DGKB: variants seen among roughly 807,000 people sequenced by gnomAD.
The protein encoded by DGKB is 90 kDa diacylglycerol kinase.
A neutral mutation model predicts 114.3 loss-of-function variants in DGKB; 67 were observed. The observed-to-expected ratio is 0.59, with a 90% CI of 0.48 to 0.72. The LOEUF (loss-of-function observed/expected upper bound fraction) is 0.72. DGKB is among the 30% of genes least tolerant of loss of function. The pLI is 0.00. For missense variants in DGKB, 907 were observed against 975.2 expected, an observed-to-expected ratio of 0.93 and a Z score of 0.93; for synonymous variants, 398 against 323.1, an observed-to-expected ratio of 1.23 and a Z score of -2.49.
At position 14,230,549 on chromosome 7, in the gene DGKB, T is replaced by C. The variant is rs191399325; in HGVS notation, c.2123-52398A>G. 2.6e-5 allele frequency among the ~76,000 whole-genome samples: 4 copies of C among 152,142 alleles called. No individual in the cohort carries two copies. In the East Asian group the frequency reaches 7.8e-4, roughly 29 times the overall value. On this transcript the variant is annotated intron_variant, in intron 23 of 25. Transcript: ENST00000402815. ...TAGAAATCAATGCCATCAAATAAGA[T>C]AGAGCAATAACTAAACTCTTTCAAG...
At chr7:14,935,736 C>G (rs538949798) in intron 1 of DGKB, among the ~76,000 whole-genome samples, 1 of 152,058 alleles carries the variant, frequency 6.6e-6, no homozygotes, top group Non-Finnish European at 1.5e-5. Context: ...TTCCTCTCCT[C>G]TCTTTTCTCT....
At chr7:14,606,935 A>C (rs965758820) in intron 17 of DGKB, among the ~76,000 whole-genome samples, 4 of 152,058 alleles carry the variant, frequency 2.6e-5, no homozygotes, top group African/African-American at 7.2e-5. Flanking sequence ...TTAAAATTTA[A>C]CTTGAATTTA....
intron 21 of DGKB, among the ~76,000 whole-genome samples, chr7:14,352,942 C>A (rs574967665): frequency 5.9e-5 from 8 of 134,872 alleles, no homozygotes; most frequent in Non-Finnish European, 1.0e-4. Context: ...ACAAAAAAAA[C>A]CAAACAAATA....
intron 16 of DGKB, among the ~76,000 whole-genome samples, chr7:14,610,121 A>G (rs1805255344): frequency 6.6e-6 from 1 of 152,112 alleles, no homozygotes; most frequent in Non-Finnish European, 1.5e-5. Context: ...GAATCAACCT[A>G]GGTATCCATC....
At chr7:14,689,890 G>A (rs1338511021) in intron 9 of DGKB, among the ~76,000 whole-genome samples, 1 of 152,118 alleles carries the variant, frequency 6.6e-6, no homozygotes, top group African/African-American at 2.4e-5. Context: ...TTTACTGAGA[G>A]TCAAGAAAAA....
chr7:14,833,257 T>C (rs1846669822), intron 2 of DGKB, among the ~76,000 whole-genome samples: 3 of 152,128 alleles, frequency 2.0e-5, no homozygotes, highest in Admixed American at 6.6e-5. Context: ...AAGATACAAT[T>C]TATTTACTTC....
At chr7:14,191,509 G>T in intron 23 of DGKB, 1 of 195,704 alleles carries the variant, frequency 5.1e-6, no homozygotes, top group South Asian at 1.2e-4. Flanking sequence ...TCATCCAACT[G>T]ACAAGCCCTT....
intron 2 of DGKB, among the ~76,000 whole-genome samples, chr7:14,762,187 G>A (rs748379246): frequency 7.9e-5 from 12 of 152,080 alleles, no homozygotes; most frequent in East Asian, 7.7e-4. Context: ...GCATGAAAGC[G>A]GGAGGTGTTT....
At chr7:14,817,954 G>A (rs1844397802) in intron 2 of DGKB, among the ~76,000 whole-genome samples, 1 of 151,970 alleles carries the variant, frequency 6.6e-6, no homozygotes, top group Admixed American at 6.6e-5. Flanking sequence ...AAATCAGTAG[G>A]CGTTTCATGT....
At chr7:14,699,545 G>A (rs1031713648) in intron 7 of DGKB, among the ~76,000 whole-genome samples, 10 of 152,184 alleles carry the variant, frequency 6.6e-5, no homozygotes, top group Admixed American at 2.6e-4. Context: ...GTTGTTTGCC[G>A]TATTGCAAAT....
chr7:14,564,406 C>G (rs1448085120), intron 20 of DGKB, among the ~76,000 whole-genome samples: 1 of 152,130 alleles, frequency 6.6e-6, no homozygotes, highest in Non-Finnish European at 1.5e-5. Context: ...CCAATTCTCC[C>G]TACCAACTTA....
At chr7:14,783,529 G>A (rs985539147) in intron 2 of DGKB, among the ~76,000 whole-genome samples, 11 of 152,112 alleles carry the variant, frequency 7.2e-5, no homozygotes, top group African/African-American at 2.7e-4. Context: ...TGCTTTCGCT[G>A]CCTGATTTTG....
At chr7:14,754,467 T>A (rs17168390) in intron 3 of DGKB, among the ~76,000 whole-genome samples, 13,609 of 152,114 alleles carry the variant, frequency 0.089, 781 homozygotes, top group East Asian at 0.24. Flanking sequence ...CTAGCATCTC[T>A]CCATACTCTT....
intron 6 of DGKB, among the ~76,000 whole-genome samples, chr7:14,705,707 G>T (rs1448054664): frequency 6.7e-6 from 1 of 150,112 alleles, no homozygotes; most frequent in Non-Finnish European, 1.5e-5. Context: ...TTCATATCCA[G>T]CCAAACTAAG....
intron 1 of DGKB, among the ~76,000 whole-genome samples, chr7:14,945,744 G>A (rs1785836393): frequency 1.3e-5 from 2 of 151,436 alleles, no homozygotes; most frequent in African/African-American, 4.8e-5. Flanking sequence ...AAAAAACAAG[G>A]TAGAATCAAA....
chr7:14,247,422 T>G (rs1794645855), intron 23 of DGKB, among the ~76,000 whole-genome samples: 1 of 152,126 alleles, frequency 6.6e-6, no homozygotes, highest in Non-Finnish European at 1.5e-5. Flanking sequence ...GTGAGAAACT[T>G]CCATACATTT....
At chr7:14,172,018 C>G (rs1347655290) in intron 25 of DGKB, among the ~76,000 whole-genome samples, 1 of 151,894 alleles carries the variant, frequency 6.6e-6, no homozygotes, top group African/African-American at 2.4e-5. Flanking sequence ...AGCTTTTAGG[C>G]TATTTGGAGA....
At position 14,621,479 on chromosome 7, in the gene DGKB, C is replaced by A. The variant is rs1807638506; in HGVS notation, c.1183G>T (p.Val395Leu). 6.2e-7 allele frequency: 1 copy of A among 1,603,978 alleles called. No homozygotes were observed. Among genetic ancestry groups the A allele is most frequent in the Non-Finnish European group, 8.5e-7 (1 of 1,174,596 alleles). Residue 395 changes from valine (V) to leucine (L), a missense_variant, in exon 15 of 26, where the codon GTG (valine) becomes TTG (leucine). Physicochemically the swap from Val to Leu is conservative, Grantham distance 32 (BLOSUM62 1). Transcript: ENST00000402815. The part of the protein sequence containing the change: ...VSVPEERQST[V>L]KKEKSGSQQP... Reference sequence around the variant, plus strand: ...TGGGAACCACTCTTTTCCTTTTTCACTGTTGATTGTCTTTCCTGTAAAAAA... The same window carrying A: ...TGGGAACCACTCTTTTCCTTTTTCAATGTTGATTGTCTTTCCTGTAAAAAA...
At chr7:14,434,227 C>T (rs948982630) in intron 21 of DGKB, among the ~76,000 whole-genome samples, 5 of 152,050 alleles carry the variant, frequency 3.3e-5, no homozygotes, top group African/African-American at 1.2e-4. Flanking sequence ...CCTATTAAAC[C>T]CTTTGTGTTA....
Sources: allele counts gnomAD v4.1 joint callset (sites outside exome capture counted in the v4.1 genomes callset), GRCh38; gene constraint gnomAD v4.1.1; transcripts MANE v1.5; gene names NCBI Gene and HGNC (gene_info 2026-07-23, HGNC 2026-07-21).